TERF1: variants seen among roughly 807,000 people sequenced by gnomAD.
TERF1 encodes telomeric repeat-binding factor 1.
TERF1 carries 20 observed loss-of-function variants against 55.1 expected under a neutral mutation model. That is an observed-to-expected ratio of 0.36 (90% CI 0.26 to 0.53). TERF1 has a LOEUF of 0.53. Among genes scored for constraint, TERF1 ranks in the 20% least tolerant of loss-of-function variants. TERF1 has a pLI of 0.91. For synonymous variants in TERF1, 168 were observed against 181.2 expected (o/e 0.93, Z 0.59); for missense variants, 439 against 535.7 (o/e 0.82, Z 1.78).
intron 1 of TERF1, chr8:73,010,686 C>G (rs993462904): frequency 6.6e-6 from 1 of 152,062 alleles, no homozygotes; most frequent in Non-Finnish European, 1.5e-5. Flanking sequence ...AATAAGTGCT[C>G]AATGAATTGA....
chr8:73,013,878 C>CT lies in TERF1; in HGVS notation c.320-10dup. ...TCAAGTTTGATTTTAATAAAATTTA[C>CT]TTTTTTTCTTTTTTAGCTATTATTC... On this transcript the variant is annotated splice_polypyrimidine_tract_variant and intron_variant, in intron 1 of 9. Coordinates refer to ENST00000276603, the MANE Select transcript of TERF1 (RefSeq NM_017489.3). 6.4e-7 allele frequency: 1 copy of CT among 1,562,066 alleles called. No homozygotes were observed. Among genetic ancestry groups the CT allele is most frequent in the Non-Finnish European group, 8.7e-7 (1 of 1,143,984 alleles).
chr8:73,039,771 GT>G (rs1254739727), intron 9 of TERF1, among the ~76,000 whole-genome samples: 3 of 13,814 alleles, frequency 2.2e-4, no homozygotes, highest in South Asian at 1.7e-3. Flanking sequence ...TGTTTTTGTG[GT>G]GTGTGTGTGT....
rs34231129 is a variant in TERF1, at chr8:73,030,286, T to C, written c.888-50T>C. On this transcript the variant is annotated intron_variant, in intron 6 of 9. Transcript: ENST00000276603. ...GACTATGTGGAAAGTACTATCCTTA[T>C]GAAAAGTTTCTTTTGTTTACATTCT... 7.4e-4 allele frequency: 920 copies of C among 1,250,342 alleles called. 8 individuals are homozygous for C. The African/African-American group carries it at 0.013, about 18-fold the overall frequency. 77.5% of individuals were successfully genotyped at this position (1,250,342 alleles called of 1,614,324 possible). A position where few individuals can be genotyped will look rare whatever the true frequency, so the allele number is the denominator to read the frequency against.
In TERF1 at chr8:73,024,863, T is replaced by A; in HGVS notation, c.666T>A (p.Asp222Glu). 1 of 1,588,996 alleles carries A rather than the reference T, an allele frequency of 6.3e-7. No individual in the cohort carries two copies. The highest frequency in any genetic ancestry group is 8.5e-7 in the Non-Finnish European group (1 of 1,171,740). Residue 222 changes from aspartate to glutamate, a missense_variant, in exon 5 of 10, where the codon GAT becomes GAA. Coordinates refer to ENST00000276603, the MANE Select transcript of TERF1 (RefSeq NM_017489.3). ...SKLLMIISQK[D>E]TFHSFFQHFS... is the part of the protein sequence containing the mutation. ...TGCTTATGATAATCTCTCAGAAAGA[T>A]ACATTTCATTCCTTTTTTCAACACT...
intron 2 of TERF1, among the ~76,000 whole-genome samples, chr8:73,020,064 A>G (rs56272863): frequency 5.4e-4 from 82 of 152,328 alleles, no homozygotes; most frequent in Admixed American, 9.1e-4. Context: ...GCGAGTGCCT[A>G]TATATACTGA....
chr8:73,031,966 G>T (rs757105108), intron 7 of TERF1, 76 bp from the exon 8 acceptor site: 2 of 1,009,716 alleles, frequency 2.0e-6, no homozygotes, highest in Non-Finnish European at 3.0e-6. Context: ...AACAGATTAA[G>T]GCAAATCATT....
intron 9 of TERF1, chr8:73,043,415 GACA>G (rs1289344249): frequency 6.6e-6 from 1 of 152,056 alleles, no homozygotes; most frequent in Non-Finnish European, 1.5e-5. Flanking sequence ...AATCTATACT[GACA>G]ACATTACTAC....
At position 73,014,029 on chromosome 8, in the gene TERF1, AT is replaced by A. The variant is rs775407083; in HGVS notation, c.415+40del. ...TTTATTTTATATTGGAAATATTTCA[AT>A]CTGTTTCTAATGTAAGACAATGGGA... On this transcript the variant is annotated intron_variant, in intron 2 of 9. Transcript: ENST00000276603. 2.0e-6 allele frequency: 3 copies of A among 1,488,606 alleles called. No homozygotes were observed. In the South Asian group the frequency reaches 3.5e-5, roughly 17 times the overall value. 92.2% of individuals were successfully genotyped at this position (1,488,606 alleles called of 1,614,324 possible).
intron 7 of TERF1, chr8:73,030,966 T>G (rs1329080217): frequency 1.3e-5 from 2 of 152,234 alleles, no homozygotes; most frequent in Non-Finnish European, 2.9e-5. Flanking sequence ...GTATATGAAT[T>G]GTCTGTGAGA....
intron 5 of TERF1, among the ~76,000 whole-genome samples, chr8:73,026,638 T>G (rs778168987): frequency 3.0e-4 from 6 of 19,936 alleles, no homozygotes; most frequent in African/African-American, 8.3e-4. Flanking sequence ...AGAATTTTTA[T>G]TTTTTTTTTT....
At chr8:73,016,957 TTCA>T (rs1253047186) in intron 2 of TERF1, among the ~76,000 whole-genome samples, 1 of 152,184 alleles carries the variant, frequency 6.6e-6, no homozygotes, top group South Asian at 2.1e-4. Context: ...GGAATTTTAG[TTCA>T]TCTCATTTTC....
chr8:73,035,877 G>A (rs968425265), intron 8 of TERF1, among the ~76,000 whole-genome samples: 1 of 152,168 alleles, frequency 6.6e-6, no homozygotes, highest in East Asian at 1.9e-4. Flanking sequence ...GACTATTCTG[G>A]TGTTTTGGTG....
intron 1 of TERF1, 159 bp from the exon 2 acceptor site, chr8:73,013,734 TTC>T (rs1808372638): frequency 1.7e-6 from 1 of 581,960 alleles, no homozygotes; most frequent in South Asian, 2.2e-5. Context: ...TTCATTGCTA[TTC>T]TTTTTTTTTG....
At chr8:73,045,344 G>C (rs972897492) in intron 9 of TERF1, among the ~76,000 whole-genome samples, 4 of 151,742 alleles carry the variant, frequency 2.6e-5, no homozygotes, top group African/African-American at 9.7e-5. Flanking sequence ...GCCAACAGAA[G>C]GAATAATTAG....
chr8:73,021,715 TCTTA>T (rs1046855813), intron 3 of TERF1, among the ~76,000 whole-genome samples: 4 of 152,124 alleles, frequency 2.6e-5, no homozygotes, highest in African/African-American at 7.2e-5. Context: ...AGTGGTCCTG[TCTTA>T]CTTACCACGT....
chr8:73,020,339 C>T (rs756968435), intron 2 of TERF1, among the ~76,000 whole-genome samples: 3 of 152,080 alleles, frequency 2.0e-5, no homozygotes, highest in Non-Finnish European at 4.4e-5. Flanking sequence ...GGTGAGAAAA[C>T]TGGCCTGTCT....
chr8:73,015,938 A>G (rs1249076031), intron 2 of TERF1, among the ~76,000 whole-genome samples: 5 of 152,142 alleles, frequency 3.3e-5, no homozygotes, highest in East Asian at 1.9e-4. Flanking sequence ...CTCAAACACT[A>G]TGTCAACAAG....
intron 5 of TERF1, among the ~76,000 whole-genome samples, chr8:73,025,544 C>T (rs1222001511): frequency 2.0e-5 from 3 of 151,156 alleles, no homozygotes; most frequent in Non-Finnish European, 4.4e-5. Context: ...CACGGTCAGG[C>T]GGATCACACG....
intron 1 of TERF1, 62 bp from the exon 2 acceptor site, chr8:73,013,833 C>T (rs1808377256): frequency 5.0e-6 from 5 of 1,005,040 alleles, no homozygotes; most frequent in African/African-American, 3.2e-5. Flanking sequence ...CTCAACAAAC[C>T]ACACAGTGGC....
Sources: gnomAD v4.1 joint callset for allele counts (sites outside exome capture counted in the v4.1 genomes callset) on GRCh38, gnomAD v4.1.1 for gene constraint, MANE v1.5 for transcripts, NCBI Gene and HGNC (gene_info 2026-07-23, HGNC 2026-07-21) for gene names.